TEX2: variants seen among roughly 807,000 people sequenced by gnomAD.
TEX2 encodes the protein testis-expressed protein 2.
TEX2 carries 53 observed loss-of-function variants against 106.9 expected under a neutral mutation model. The ratio of observed to expected loss-of-function variants is 0.50; its 90% CI spans 0.40 to 0.62. The LOEUF is 0.62. Among genes scored for constraint, TEX2 ranks in the 20% least tolerant of loss-of-function variants. The pLI, the probability that TEX2 is intolerant of heterozygous loss-of-function variation, is 0.00. For synonymous variants in TEX2, 523 were observed against 534.8 expected, an observed-to-expected ratio of 0.98 and a Z score of 0.30; for missense variants, 1,207 against 1,379.0, an observed-to-expected ratio of 0.88 and a Z score of 1.98.
chr17:64,262,922 C>T (rs1555638794), intron 1 of TEX2, among the ~76,000 whole-genome samples: 1 of 152,164 alleles, frequency 6.6e-6, no homozygotes, highest in African/African-American at 2.4e-5. Context: ...CAGCTCCTCC[C>T]GCCGGAGTCG....
At position 64,147,914 on chromosome 17, in the gene TEX2, C is replaced by A. The variant is rs1360838912; in HGVS notation, c.*1055G>T. ...GTTTACTTCTCGAAGCAAAGAGAGC[C>A]CCCAACCTTGTAAACTAAACATTCT... On this transcript the variant is annotated 3_prime_UTR_variant, in exon 12 of 12. Coordinates refer to ENST00000584379, the MANE Select transcript of TEX2 (RefSeq NM_001288732.2). 1 of 152,466 alleles carries A rather than the reference C, an allele frequency of 6.6e-6. No individual in the cohort carries two copies. The highest frequency in any genetic ancestry group is 1.5e-5 in the Non-Finnish European group (1 of 68,020). The allele number at this position is 152,466 out of a possible 1,614,324, so 9.4% of individuals were successfully genotyped here.
At chr17:64,240,620 A>C (rs1555635651) in intron 1 of TEX2, among the ~76,000 whole-genome samples, 2 of 152,168 alleles carry the variant, frequency 1.3e-5, no homozygotes, top group East Asian at 3.9e-4. Flanking sequence ...AATGAGAAAA[A>C]TAAAGTCTAC....
At chr17:64,179,419 A>C (rs1371619666) in intron 5 of TEX2, among the ~76,000 whole-genome samples, 1 of 152,238 alleles carries the variant, frequency 6.6e-6, no homozygotes, top group Non-Finnish European at 1.5e-5. Context: ...CACCCTAGCC[A>C]GCAGCAGCGG....
chr17:64,244,744 G>A (rs553936272), intron 1 of TEX2, among the ~76,000 whole-genome samples: 182 of 151,902 alleles, frequency 1.2e-3, no homozygotes, highest in South Asian at 3.5e-3. Flanking sequence ...TCCCCCTCCT[G>A]TTTAAAAAAA....
intron 1 of TEX2, among the ~76,000 whole-genome samples, chr17:64,255,183 A>G (rs1043792605): frequency 6.6e-5 from 10 of 151,982 alleles, no homozygotes; most frequent in Non-Finnish European, 1.2e-4. Context: ...AAAAAAATGT[A>G]CCTTGCACAC....
Position 64,213,742 on chromosome 17 carries a change from C to T in TEX2, c.476G>A (p.Ser159Asn). The change falls in exon 2 of 12, where the codon AGT becomes AAT. Residue 159 changes from serine to asparagine, a missense_variant. Transcript: ENST00000584379. The surrounding 1 kb of genome is among the most constrained non-coding windows in gnomAD (Gnocchi z 4.4). ...SVSSLSEQKT[S>N]SSSPLSSPSK... is the part of the protein sequence containing the mutation. ...AGGAGAGGACAATGGGGAGGAAGAACTGGTTTTCTGCTCAGAAAGGGATGA... is the reference window on the plus strand; with the variant it reads ...AGGAGAGGACAATGGGGAGGAAGAATTGGTTTTCTGCTCAGAAAGGGATGA... 1 of 1,614,082 alleles carries T rather than the reference C, an allele frequency of 6.2e-7. No individual in the cohort carries two copies. Among genetic ancestry groups the T allele is most frequent in the Non-Finnish European group, 8.5e-7 (1 of 1,180,024 alleles).
rs71156002 is a variant in TEX2, at chr17:64,170,622, C to CTTTTTTTTTTTT, written c.2671+466_2671+477dup. On this transcript the variant is annotated intron_variant, in intron 7 of 11. Coordinates refer to ENST00000584379, the MANE Select transcript of TEX2 (RefSeq NM_001288732.2). Reference sequence around the variant, plus strand: ...ATGGGAGCTTGGATCTATTCCAAATCTTTTTTTTTTTTTTTTTTTTTTTTT... The same window carrying CTTTTTTTTTTTT: ...ATGGGAGCTTGGATCTATTCCAAATCTTTTTTTTTTTTTTTTTTTTTTTTTTTTTTTTTTTTT... Among the ~76,000 whole-genome samples, 36 of 73,742 alleles carry CTTTTTTTTTTTT rather than the reference C, an allele frequency of 4.9e-4. 6 individuals are homozygous for CTTTTTTTTTTTT. Among genetic ancestry groups the CTTTTTTTTTTTT allele is most frequent in the Admixed American group, 6.8e-4 (3 of 4,444 alleles). The allele number at this position is 73,742 out of a possible 152,430, so 48.4% of individuals were successfully genotyped here. A position where few individuals can be genotyped will look rare whatever the true frequency, so the allele number is the denominator to read the frequency against.
At chr17:64,187,847 A>C (rs2032134710) in intron 5 of TEX2, among the ~76,000 whole-genome samples, 1 of 152,166 alleles carries the variant, frequency 6.6e-6, no homozygotes. Context: ...GCCCTTCCTG[A>C]CCACCCATCC....
intron 8 of TEX2, among the ~76,000 whole-genome samples, chr17:64,158,992 C>A (rs940462164): frequency 6.6e-6 from 1 of 152,142 alleles, no homozygotes; most frequent in Non-Finnish European, 1.5e-5. Context: ...AAATATAATA[C>A]CATCACATTC....
At chr17:64,165,408 T>C (rs963323761) in intron 7 of TEX2, among the ~76,000 whole-genome samples, 1 of 152,188 alleles carries the variant, frequency 6.6e-6, no homozygotes, top group Non-Finnish European at 1.5e-5. Flanking sequence ...ACCCGACCCA[T>C]GTTCCACAAG....
intron 3 of TEX2, 24 bp downstream of exon 3, chr17:64,194,871 C>A (rs767135885): frequency 6.2e-7 from 1 of 1,610,632 alleles, no homozygotes; most frequent in South Asian, 1.1e-5. Context: ...TCTAAGCTAT[C>A]CTTCCAAAAT....
chr17:64,253,706 A>C (rs2034134814), intron 1 of TEX2, among the ~76,000 whole-genome samples: 3 of 152,142 alleles, frequency 2.0e-5, no homozygotes, highest in Admixed American at 2.0e-4. Flanking sequence ...GAAAGGAGGG[A>C]GGTCGAGCTT....
intron 6 of TEX2, 117 bp downstream of exon 6, chr17:64,177,208 A>C: frequency 8.4e-7 from 1 of 1,185,278 alleles, no homozygotes; most frequent in Non-Finnish European, 1.2e-6. Context: ...AGAACTTACT[A>C]CCCTCATATG....
At chr17:64,152,274 A>C (rs2030395254) in intron 10 of TEX2, among the ~76,000 whole-genome samples, 1 of 152,232 alleles carries the variant, frequency 6.6e-6, no homozygotes, top group Non-Finnish European at 1.5e-5. Context: ...TGAACTCATC[A>C]GTAATTTATT....
At chr17:64,244,996 T>G (rs1267875544) in intron 1 of TEX2, among the ~76,000 whole-genome samples, 1 of 152,178 alleles carries the variant, frequency 6.6e-6, no homozygotes, top group African/African-American at 2.4e-5. Flanking sequence ...TATGGCAATT[T>G]TGGGCCTTTC....
chr17:64,237,728 G>A (rs1439868865), intron 1 of TEX2, among the ~76,000 whole-genome samples: 1 of 152,156 alleles, frequency 6.6e-6, no homozygotes, highest in Non-Finnish European at 1.5e-5. Flanking sequence ...CACCAAGTCT[G>A]GGAATTTGAG....
chr17:64,215,202 C>T (rs2033148420), intron 1 of TEX2, among the ~76,000 whole-genome samples: 1 of 152,252 alleles, frequency 6.6e-6, no homozygotes, highest in Non-Finnish European at 1.5e-5. Flanking sequence ...TTTATTCACT[C>T]ATGGCCCATT....
chr17:64,206,466 A>G (rs1387983596), intron 2 of TEX2, among the ~76,000 whole-genome samples: 1 of 151,548 alleles, frequency 6.6e-6, no homozygotes, highest in Non-Finnish European at 1.5e-5. Flanking sequence ...ACTCCAACAT[A>G]CTAAGAACAA....
intron 2 of TEX2, among the ~76,000 whole-genome samples, chr17:64,201,323 G>T (rs2032652948): frequency 6.6e-6 from 1 of 152,092 alleles, no homozygotes; most frequent in Non-Finnish European, 1.5e-5. Flanking sequence ...CTCTGTTCAA[G>T]CCATAGTGAT....
Sources: gnomAD v4.1 joint callset for allele counts (sites outside exome capture counted in the v4.1 genomes callset) on GRCh38, gnomAD v4.1.1 for gene constraint, Gnocchi (gnomAD v3.1) non-coding constraint, MANE v1.5 for transcripts, NCBI Gene and HGNC (gene_info 2026-07-23, HGNC 2026-07-21) for gene names.